RNF144B: variants seen among roughly 807,000 people sequenced by gnomAD.
RNF144B encodes ring finger protein 144B.
RNF144B carries 25 observed loss-of-function variants against 40.2 expected under a neutral mutation model. That is an observed-to-expected ratio of 0.62 (90% CI 0.45 to 0.87). The LOEUF (loss-of-function observed/expected upper bound fraction) is 0.87. Among genes scored for constraint, RNF144B ranks in the 40% least tolerant of loss-of-function variants. RNF144B has a pLI of 0.00. For missense variants in RNF144B, 365 were observed against 373.7 expected, an observed-to-expected ratio of 0.98 and a Z score of 0.19; for synonymous variants, 145 against 136.3, an observed-to-expected ratio of 1.06 and a Z score of -0.44.
rs558679963 is a variant in RNF144B at position 18,456,180 on chromosome 6, C to T, written c.332-975C>T. Among the ~76,000 whole-genome samples the T allele has an allele frequency of 8.5e-5, 13 of 152,298 alleles. No individual in the cohort carries two copies. The South Asian group carries it at 2.1e-3, about 24-fold the overall frequency. On this transcript the variant is annotated intron_variant, in intron 4 of 7. Coordinates refer to ENST00000259939, the MANE Select transcript of RNF144B (RefSeq NM_182757.4). This position sits in a 1 kb window ranked among gnomAD's most constrained non-coding sequence, Gnocchi z 4.7. The stretch of plus-strand genomic sequence containing the variant: ...CTTGTGATCCGCCTACCTCAGCCTC[C>T]CAAAGTGCTGGGATTACAGGCGTGA...
Position 18,447,865 on chromosome 6 carries a change from G to T in RNF144B, c.331+8121G>T, listed in dbSNP as rs1759116868. Among the ~76,000 whole-genome samples, 1 of 152,200 alleles carries T rather than the reference G, an allele frequency of 6.6e-6. No homozygotes were observed. Among genetic ancestry groups the T allele is most frequent in the South Asian group, 2.1e-4 (1 of 4,830 alleles). ...CCCTGGGACACTATAGGTTTTAGAA[G>T]AGGTGGATCTGGCAAAGGAGATTGA... On this transcript the variant is annotated intron_variant, in intron 4 of 7. Coordinates refer to ENST00000259939, the MANE Select transcript of RNF144B (RefSeq NM_182757.4). The surrounding 1 kb of genome is among the most constrained non-coding windows in gnomAD (Gnocchi z 5.6).
Position 18,387,619 on chromosome 6 carries a change from G to A in RNF144B, c.-48G>A. The A allele has an allele frequency of 2.3e-6, 3 of 1,309,394 alleles. No individual in the cohort carries two copies. The highest frequency in any genetic ancestry group is 1.5e-5 in the African/African-American group (1 of 66,860). The allele number at this position is 1,309,394 out of a possible 1,614,324, so 81.1% of individuals were successfully genotyped here. On this transcript the variant is annotated 5_prime_UTR_variant, in exon 1 of 8. Transcript: ENST00000259939. ...GAAGCCCGGCGACGGAGGAACGCAG[G>A]TCTGCTGCCAGGTAGGTTTAGCGAG...
intron 2 of RNF144B, among the ~76,000 whole-genome samples, chr6:18,421,318 A>G (rs1758422314): frequency 1.4e-5 from 2 of 146,298 alleles, no homozygotes; most frequent in African/African-American, 5.1e-5. Context: ...ACACACACAT[A>G]TATATAAAAT....
chr6:18,452,176 G>C (rs529506924), intron 4 of RNF144B, among the ~76,000 whole-genome samples: 2 of 152,284 alleles, frequency 1.3e-5, no homozygotes, highest in South Asian at 4.1e-4. Context: ...ATATGCTTTT[G>C]AAAAACCCAG....
chr6:18,387,709 G>C (rs1295426275), intron 1 of RNF144B, 79 bp downstream of exon 1: 1 of 1,181,054 alleles, frequency 8.5e-7, no homozygotes, highest in Non-Finnish European at 1.1e-6. Flanking sequence ...AAAAGGACAG[G>C]AAACTCACTG....
At position 18,412,004 on chromosome 6, in the gene RNF144B, TG is replaced by T. The variant is rs1379797924; in HGVS notation, c.165+12308del. Among the ~76,000 whole-genome samples, 3 of 152,228 alleles carry T rather than the reference TG, an allele frequency of 2.0e-5. No individual in the cohort carries two copies. Among genetic ancestry groups the T allele is most frequent in the Non-Finnish European group, 4.4e-5 (3 of 68,036 alleles). Reference sequence around the variant, plus strand: ...ATGGTTGTATGAAAATTTATTTAACTGGGCCCCTCCTAAATAATGGATTTTA... The same window carrying T: ...ATGGTTGTATGAAAATTTATTTAACTGGCCCCTCCTAAATAATGGATTTTA... On this transcript the variant is annotated intron_variant, in intron 2 of 7. Coordinates refer to ENST00000259939, the MANE Select transcript of RNF144B (RefSeq NM_182757.4). The surrounding 1 kb of genome is among the most constrained non-coding windows in gnomAD (Gnocchi z 4.2).
At position 18,400,046 on chromosome 6, in the gene RNF144B, C is replaced by T. The variant is rs190248028; in HGVS notation, c.165+347C>T. ...CAGCACTTTGGGAGGCCGAGGCGGG[C>T]GGATCACAAGGTCAGAAGATCGAGA... On this transcript the variant is annotated intron_variant, in intron 2 of 7. Transcript: ENST00000259939. This position sits in a 1 kb window ranked among gnomAD's most constrained non-coding sequence, Gnocchi z 5.6. Among the ~76,000 whole-genome samples the T allele has an allele frequency of 1.3e-3, 197 of 152,048 alleles. No homozygotes were observed. The highest frequency in any genetic ancestry group is 4.0e-3 in the African/African-American group (167 of 41,474).
rs1485556055 is a variant in RNF144B at position 18,447,852 on chromosome 6, A to G, written c.331+8108A>G. 1.3e-5 allele frequency among the ~76,000 whole-genome samples: 2 copies of G among 152,172 alleles called. No individual in the cohort carries two copies. The highest frequency in any genetic ancestry group is 4.8e-5 in the African/African-American group (2 of 41,450). Reference sequence around the variant, plus strand: ...TTTCAGGACTGAGCCCTGGGACACTATAGGTTTTAGAAGAGGTGGATCTGG... The same window carrying G: ...TTTCAGGACTGAGCCCTGGGACACTGTAGGTTTTAGAAGAGGTGGATCTGG... On this transcript the variant is annotated intron_variant, in intron 4 of 7. Transcript: ENST00000259939. This position sits in a 1 kb window ranked among gnomAD's most constrained non-coding sequence, Gnocchi z 5.6.
At position 18,457,682 on chromosome 6, in the gene RNF144B, T is replaced by C. The variant is rs1205460295; in HGVS notation, c.536+323T>C. The stretch of plus-strand genomic sequence containing the variant: ...TCCCGCTCTTTGCTCAGATACAGTA[T>C]CTGCCTGTATTGGTATATATCATTC... On this transcript the variant is annotated intron_variant, in intron 5 of 7. Transcript: ENST00000259939. This position sits in a 1 kb window ranked among gnomAD's most constrained non-coding sequence, Gnocchi z 5.1. Among the ~76,000 whole-genome samples, 6 of 152,178 alleles carry C rather than the reference T, an allele frequency of 3.9e-5. No individual in the cohort carries two copies. In the East Asian group the frequency reaches 1.2e-3, roughly 29 times the overall value.
rs1323824134 is a variant in RNF144B, at chr6:18,395,523, T to C, written c.-36-3976T>C. Among the ~76,000 whole-genome samples, 4 of 152,198 alleles carry C rather than the reference T, an allele frequency of 2.6e-5. No homozygotes were observed. Among genetic ancestry groups the C allele is most frequent in the Non-Finnish European group, 5.9e-5 (4 of 68,036 alleles). On this transcript the variant is annotated intron_variant, in intron 1 of 7. Coordinates refer to ENST00000259939, the MANE Select transcript of RNF144B (RefSeq NM_182757.4). The surrounding 1 kb of genome is among the most constrained non-coding windows in gnomAD (Gnocchi z 4.5). The stretch of plus-strand genomic sequence containing the variant: ...CTTTCAGGATTCTCCTGTTTACTGA[T>C]TGAAGAGCTCATTTTGCAATGAATC...
Position 18,416,346 on chromosome 6 carries a change from C to T in RNF144B, c.166-11235C>T, listed in dbSNP as rs1365392520. On this transcript the variant is annotated intron_variant, in intron 2 of 7. Transcript: ENST00000259939. The surrounding 1 kb of genome is among the most constrained non-coding windows in gnomAD (Gnocchi z 5.5). Reference sequence around the variant, plus strand: ...CCAACGCTAGTGCCAGTTCACTGCTCTGATTGGAATGTTCTTCCATTTTAG... The same window carrying T: ...CCAACGCTAGTGCCAGTTCACTGCTTTGATTGGAATGTTCTTCCATTTTAG... 2.0e-5 allele frequency among the ~76,000 whole-genome samples: 3 copies of T among 152,206 alleles called. No homozygotes were observed. Among genetic ancestry groups the T allele is most frequent in the Non-Finnish European group, 4.4e-5 (3 of 68,052 alleles).
intron 2 of RNF144B, among the ~76,000 whole-genome samples, chr6:18,407,619 G>A (rs1263648391): frequency 1.3e-5 from 2 of 152,274 alleles, no homozygotes; most frequent in Admixed American, 6.5e-5. Flanking sequence ...ACATTCATTT[G>A]AAACTGGTTT....
chr6:18,427,256 A>AC (rs775740056), intron 2 of RNF144B, among the ~76,000 whole-genome samples: 1 of 149,996 alleles, frequency 6.7e-6, no homozygotes, highest in Non-Finnish European at 1.5e-5. Context: ...AGGAACTCAT[A>AC]TTTTTTTTTT....
chr6:18,411,248 G>T (rs752990404), intron 2 of RNF144B, among the ~76,000 whole-genome samples: 1 of 151,566 alleles, frequency 6.6e-6, no homozygotes, highest in Admixed American at 6.6e-5. Flanking sequence ...CTCCCAAAGT[G>T]CTGGGATTAC....
rs1674325669 is a variant in RNF144B, at chr6:18,395,125, A to G, written c.-36-4374A>G. Among the ~76,000 whole-genome samples the G allele has an allele frequency of 6.6e-6, 1 of 152,202 alleles. No individual in the cohort carries two copies. Among genetic ancestry groups the G allele is most frequent in the South Asian group, 2.1e-4 (1 of 4,830 alleles). On this transcript the variant is annotated intron_variant, in intron 1 of 7. Transcript: ENST00000259939. The surrounding 1 kb of genome is among the most constrained non-coding windows in gnomAD (Gnocchi z 4.5). ...CACAGTCACATCTATAATCACTGTA[A>G]AAGTAATTATAATTGTTAGCTTTTA...
In RNF144B at chr6:18,392,255, G is replaced by A. The variant is rs192165581; in HGVS notation, c.-37+4625G>A. 1.3e-3 allele frequency among the ~76,000 whole-genome samples: 192 copies of A among 152,138 alleles called. 2 individuals carry two copies. The highest frequency in any genetic ancestry group is 4.3e-3 in the African/African-American group (180 of 41,524). On this transcript the variant is annotated intron_variant, in intron 1 of 7. Coordinates refer to ENST00000259939, the MANE Select transcript of RNF144B (RefSeq NM_182757.4). ...TGTTCTGTCCTCTGTAGGATTTGGA[G>A]TTAGCTTATCACAACGTCATGTACA... is the stretch of plus-strand genomic sequence containing the variant.
chr6:18,430,193 T>C (rs1465577730), intron 3 of RNF144B, among the ~76,000 whole-genome samples: 1 of 152,238 alleles, frequency 6.6e-6, no homozygotes, highest in Non-Finnish European at 1.5e-5. Context: ...AAAAATTTAG[T>C]TCAATCATGC....
In RNF144B at chr6:18,413,341, AG is replaced by A. The variant is rs1274124294; in HGVS notation, c.165+13643del. Among the ~76,000 whole-genome samples, 6 of 152,364 alleles carry A rather than the reference AG, an allele frequency of 3.9e-5. No homozygotes were observed. The East Asian group carries it at 1.2e-3, about 29-fold the overall frequency. ...TGGCTACTGATTTTATATACGTAAA[AG>A]TTTAGTCAGTACAAAACAAATGTAA... On this transcript the variant is annotated intron_variant, in intron 2 of 7. Transcript: ENST00000259939.
intron 3 of RNF144B, among the ~76,000 whole-genome samples, chr6:18,431,274 C>G (rs1758691028): frequency 6.6e-6 from 1 of 151,934 alleles, no homozygotes; most frequent in South Asian, 2.1e-4. Flanking sequence ...TCTCTATCAA[C>G]TTGCTACTGT....
Sources: allele counts gnomAD v4.1 joint callset (sites outside exome capture counted in the v4.1 genomes callset), GRCh38; gene constraint gnomAD v4.1.1; non-coding constraint Gnocchi (gnomAD v3.1); transcripts MANE v1.5; gene names NCBI Gene and HGNC (gene_info 2026-07-23, HGNC 2026-07-21).